TENT2: variants seen among roughly 807,000 people sequenced by gnomAD.
The protein encoded by TENT2 is poly(A) RNA polymerase GLD2.
TENT2 carries 44 observed loss-of-function variants against 72.2 expected under a neutral mutation model. That is an observed-to-expected ratio of 0.61 (90% CI 0.48 to 0.78). The LOEUF (loss-of-function observed/expected upper bound fraction) is 0.78, where lower values mean the gene tolerates loss of function less well. TENT2 is among the 30% of genes least tolerant of loss of function. The pLI is 0.00. For missense variants in TENT2, 541 were observed against 569.6 expected, an observed-to-expected ratio of 0.95 and a Z score of 0.51; for synonymous variants, 212 against 192.5, an observed-to-expected ratio of 1.10 and a Z score of -0.84.
chr5:79,655,770 C>G (rs1453192738), intron 10 of TENT2, among the ~76,000 whole-genome samples: 1 of 148,736 alleles, frequency 6.7e-6, no homozygotes, highest in Non-Finnish European at 1.5e-5. Context: ...TACTAATATT[C>G]TCAGTCATGT....
At chr5:79,661,616 A>C (rs573788571) in intron 11 of TENT2, among the ~76,000 whole-genome samples, 30 of 152,340 alleles carry the variant, frequency 2.0e-4, no homozygotes, top group African/African-American at 6.7e-4. Context: ...ATTATGTCTA[A>C]AAAATGTACA....
chr5:79,640,437 C>T (rs530315614), intron 4 of TENT2, among the ~76,000 whole-genome samples: 7 of 152,128 alleles, frequency 4.6e-5, no homozygotes, highest in Admixed American at 3.9e-4. Context: ...TTTAAAAAGC[C>T]AGATAGTAAA....
intron 4 of TENT2, among the ~76,000 whole-genome samples, chr5:79,626,498 G>A (rs1053321342): frequency 1.3e-5 from 2 of 151,774 alleles, no homozygotes; most frequent in Admixed American, 6.6e-5. Context: ...TATTAGAGAC[G>A]GGGTTTCACT....
chr5:79,654,021 T>G (rs1421478381), intron 10 of TENT2, among the ~76,000 whole-genome samples: 1 of 152,224 alleles, frequency 6.6e-6, no homozygotes, highest in East Asian at 1.9e-4. Flanking sequence ...TTAAAAAGAT[T>G]AACACATTTC....
rs567906163 is a variant in TENT2 at position 79,633,444 on chromosome 5, T to G, written c.466-7407T>G. ...TTCCAGCTAAAAAGTTTTTTTTTTT[T>G]TTTTTTTTTTTTTGAGACAGAGTTT... On this transcript the variant is annotated intron_variant, in intron 4 of 14. Transcript: ENST00000453514. Among the ~76,000 whole-genome samples the G allele has an allele frequency of 2.0e-5, 3 of 147,488 alleles. No individual in the cohort carries two copies. In the South Asian group the frequency reaches 6.7e-4, roughly 33 times the overall value.
chr5:79,672,838 T>C (rs576444654), intron 12 of TENT2, among the ~76,000 whole-genome samples: 1 of 152,336 alleles, frequency 6.6e-6, no homozygotes, highest in South Asian at 2.1e-4. Context: ...GTGGGATTGC[T>C]GGATCATATG....
intron 10 of TENT2, among the ~76,000 whole-genome samples, chr5:79,649,632 G>T (rs1792092357): frequency 6.6e-6 from 1 of 152,008 alleles, no homozygotes; most frequent in Non-Finnish European, 1.5e-5. Flanking sequence ...TATCTTCATA[G>T]GGCTGTTTTA....
intron 12 of TENT2, among the ~76,000 whole-genome samples, chr5:79,673,358 A>T (rs1191188241): frequency 6.6e-6 from 1 of 151,848 alleles, no homozygotes; most frequent in African/African-American, 2.4e-5. Flanking sequence ...TACTTAAGAA[A>T]CCTTTGCCCA....
chr5:79,642,862 G>T lies in TENT2; in HGVS notation c.703G>T (p.Ala235Ser). Residue 235 changes from alanine (A) to serine (S), a missense_variant, in exon 7 of 15, where the codon GCA becomes TCA. By Grantham distance (99) the Ala-to-Ser change is moderately conservative (BLOSUM62 1). Transcript: ENST00000453514. ...TTTTCAGGTAAATCAGAAGACTGAA[G>T]CACGGCATATACTCACCTTAGTCCA... ...CFFQVNQKTE[A>S]RHILTLVHKH... is the part of the protein sequence containing the mutation. The T allele has an allele frequency of 6.2e-7, 1 of 1,611,388 alleles. No individual in the cohort carries two copies. Among genetic ancestry groups the T allele is most frequent in the Non-Finnish European group, 8.5e-7 (1 of 1,178,886 alleles).
chr5:79,638,128 A>G (rs1210747812), intron 4 of TENT2, among the ~76,000 whole-genome samples: 1 of 152,064 alleles, frequency 6.6e-6, no homozygotes, highest in Non-Finnish European at 1.5e-5. Context: ...ATTCAGAAAT[A>G]TACTTCCTTA....
At position 79,619,399 on chromosome 5, in the gene TENT2, A is replaced by G. The variant is rs189974698; in HGVS notation, c.-37-213A>G. On this transcript the variant is annotated intron_variant, in intron 1 of 14. Coordinates refer to ENST00000453514, the MANE Select transcript of TENT2 (RefSeq NM_001114394.3). ...ATCAGAAAATTAGAAATGTGCATAT[A>G]TCTTGCTGTTTGAATTATGTTAATC... Among the ~76,000 whole-genome samples the G allele has an allele frequency of 5.0e-3, 763 of 152,288 alleles. 5 individuals are homozygous for G. The highest frequency in any genetic ancestry group is 0.017 in the African/African-American group (722 of 41,564).
At chr5:79,630,168 A>G (rs1774123641) in intron 4 of TENT2, among the ~76,000 whole-genome samples, 1 of 152,072 alleles carries the variant, frequency 6.6e-6, no homozygotes, top group African/African-American at 2.4e-5. Flanking sequence ...GCAGATCACA[A>G]TTTTATTTAT....
intron 4 of TENT2, among the ~76,000 whole-genome samples, chr5:79,628,615 C>T (rs1772405720): frequency 6.6e-6 from 1 of 152,122 alleles, no homozygotes. Flanking sequence ...ACATGAATGA[C>T]TTCAGTGATT....
intron 7 of TENT2, 179 bp from the exon 8 acceptor site, chr5:79,644,944 G>GT: frequency 2.0e-6 from 1 of 505,016 alleles, no homozygotes; most frequent in Non-Finnish European, 3.5e-6. Flanking sequence ...CCCCTAAATG[G>GT]TATTACTGGA....
chr5:79,674,987 G>A (rs189469276), intron 12 of TENT2, among the ~76,000 whole-genome samples: 1 of 152,182 alleles, frequency 6.6e-6, no homozygotes, highest in East Asian at 1.9e-4. Context: ...CAGTTTCTGT[G>A]GAATAATGGG....
At chr5:79,671,097 C>T (rs949719634) in intron 12 of TENT2, among the ~76,000 whole-genome samples, 4 of 152,034 alleles carry the variant, frequency 2.6e-5, no homozygotes, top group South Asian at 2.1e-4. Flanking sequence ...TTGAAAATCA[C>T]CTGCTTTGTT....
intron 4 of TENT2, among the ~76,000 whole-genome samples, chr5:79,624,052 TC>T (rs1269822878): frequency 6.6e-6 from 1 of 152,202 alleles, no homozygotes; most frequent in Non-Finnish European, 1.5e-5. Flanking sequence ...TTATTTAATA[TC>T]TAATAATAGA....
intron 4 of TENT2, among the ~76,000 whole-genome samples, chr5:79,632,757 C>T (rs1025897884): frequency 2.0e-5 from 3 of 152,168 alleles, no homozygotes; most frequent in African/African-American, 7.2e-5. Flanking sequence ...CTAAAGGACT[C>T]TGTCTTTTTA....
At position 79,623,490 on chromosome 5, in the gene TENT2, GTAA is replaced by G; in HGVS notation, c.465+9_465+11del. 3.8e-6 allele frequency: 6 copies of G among 1,567,248 alleles called. No homozygotes were observed. The South Asian group carries it at 4.7e-5, about 12-fold the overall frequency. ...CACACTGCCTGAGGCCAAAGATAAGGTAATAATAATGTAGATTTTAGTTTTGCC... is the reference window on the plus strand; with the variant it reads ...CACACTGCCTGAGGCCAAAGATAAGGTAATAATGTAGATTTTAGTTTTGCC... On this transcript the variant is annotated splice_donor_variant and splice_donor_region_variant and intron_variant, in intron 4 of 14. Transcript: ENST00000453514. LOFTEE classifies it high-confidence loss of function.
Sources: gnomAD v4.1 joint callset for allele counts (sites outside exome capture counted in the v4.1 genomes callset) on GRCh38, gnomAD v4.1.1 for gene constraint, MANE v1.5 for transcripts, NCBI Gene and HGNC (gene_info 2026-07-23, HGNC 2026-07-21) for gene names.